Variants in VWF observed in about 807,000 individuals in gnomAD.
VWF encodes the protein von Willebrand factor.
VWF carries 176 observed loss-of-function variants against 308.6 expected under a neutral mutation model. The observed-to-expected ratio is 0.57, with a 90% confidence interval of 0.50 to 0.65. VWF has a LOEUF of 0.65. VWF is among the 30% of genes least tolerant of loss of function. The probability of loss-of-function intolerance (pLI) is 0.00; values close to 1 mark genes in which losing one functional copy is unlikely to be tolerated. For missense variants in VWF, 3,146 were observed against 3,648.2 expected, an observed-to-expected ratio of 0.86 and a Z score of 3.55; for synonymous variants, 1,385 against 1,443.4, an observed-to-expected ratio of 0.96 and a Z score of 0.92.
intron 44 of VWF, among the ~76,000 whole-genome samples, chr12:5,971,101 C>T (rs1027246144): frequency 6.6e-6 from 1 of 152,238 alleles, no homozygotes; most frequent in East Asian, 1.9e-4. Flanking sequence ...TGGCAAGATG[C>T]CCCAGCCAGA....
chr12:5,979,655 C>G (rs2136367656), intron 42 of VWF, among the ~76,000 whole-genome samples: 1 of 151,390 alleles, frequency 6.6e-6, no homozygotes, highest in African/African-American at 2.4e-5. Flanking sequence ...GAGGCTGAGG[C>G]AAGAGAATCG....
At chr12:5,979,898 G>A (rs1250457089) in intron 42 of VWF, among the ~76,000 whole-genome samples, 18 of 150,250 alleles carry the variant, frequency 1.2e-4, no homozygotes, top group Non-Finnish European at 2.4e-4. Context: ...AAAATTAGCC[G>A]GGCGTGGTGG....
chr12:6,025,826 A>G (rs1944184239), intron 23 of VWF, 80 bp downstream of exon 23: 5 of 1,603,970 alleles, frequency 3.1e-6, no homozygotes, highest in South Asian at 1.1e-5. Context: ...CCCCCCTTCC[A>G]GCCCCCATGA....
intron 3 of VWF, among the ~76,000 whole-genome samples, chr12:6,117,728 T>A (rs1945383568): frequency 6.6e-6 from 1 of 151,982 alleles, no homozygotes; most frequent in African/African-American, 2.4e-5. Flanking sequence ...GGCAGGAGAA[T>A]CGCTTGAACC....
rs763488500 is a variant in VWF at position 6,031,560 on chromosome 12, G to C, written c.2704C>G (p.Pro902Ala). 1 of 1,614,048 alleles carries C rather than the reference G, an allele frequency of 6.2e-7. No individual in the cohort carries two copies. The highest frequency in any genetic ancestry group is 1.1e-5 in the South Asian group (1 of 91,082). The part of the protein sequence containing the change: ...VLVQDYCGSN[P>A]GTFRILVGNK... Reference sequence around the variant, plus strand: ...CCCACTAGGATCCGAAAGGTCCCAGGGTTACTGCCGCAGTAATCCTGGGGA... The same window carrying C: ...CCCACTAGGATCCGAAAGGTCCCAGCGTTACTGCCGCAGTAATCCTGGGGA... The change falls in exon 21 of 52, where the codon CCT (proline) becomes GCT (alanine). Residue 902 changes from proline (P) to alanine (A), a missense_variant. Pro to Ala is a conservative substitution (Grantham distance 27). Around this residue, in one of 3 missense-constraint regions of VWF, gnomAD observed 1,304 missense variants for 1,353.0 expected, o/e 0.96. Transcript: ENST00000261405.
chr12:5,996,718 A>C (rs990895589), intron 34 of VWF, among the ~76,000 whole-genome samples: 2 of 150,924 alleles, frequency 1.3e-5, no homozygotes, highest in African/African-American at 4.9e-5. Context: ...TTAATCCCTT[A>C]AGAGATCGCA....
In VWF at chr12:6,114,354, C is replaced by T. The variant is rs1945342096; in HGVS notation, c.221-3386G>A. On this transcript the variant is annotated intron_variant, in intron 3 of 51. Transcript: ENST00000261405. ...AAATCACTTAAGCAAGGTACTCGTTCCACAGGAGGCAGAGCTGAGCGGGTG... is the reference window on the plus strand; with the variant it reads ...AAATCACTTAAGCAAGGTACTCGTTTCACAGGAGGCAGAGCTGAGCGGGTG... 2.0e-5 allele frequency among the ~76,000 whole-genome samples: 3 copies of T among 152,176 alleles called. No individual in the cohort carries two copies. In the South Asian group the frequency reaches 6.2e-4, roughly 31 times the overall value.
intron 32 of VWF, among the ~76,000 whole-genome samples, chr12:6,012,702 TA>T (rs534369797): frequency 2.9e-5 from 4 of 137,314 alleles, no homozygotes; most frequent in African/African-American, 5.8e-5. Context: ...TGTGTGTGTG[TA>T]TTTTTTTTTT....
intron 22 of VWF, among the ~76,000 whole-genome samples, chr12:6,028,980 G>C (rs1010357347): frequency 6.6e-6 from 1 of 152,042 alleles, no homozygotes; most frequent in African/African-American, 2.4e-5. Flanking sequence ...TGGATAAAGA[G>C]TCAAGACCCA....
intron 21 of VWF, among the ~76,000 whole-genome samples, chr12:6,030,069 T>A (rs1591870777): frequency 6.6e-6 from 1 of 152,118 alleles, no homozygotes; most frequent in African/African-American, 2.4e-5. Flanking sequence ...CTTAGCCCAA[T>A]CCCTGCCAGT....
At position 5,958,297 on chromosome 12, in the gene VWF, G is replaced by C. The variant is rs533549799; in HGVS notation, c.7888-4703C>G. Among the ~76,000 whole-genome samples, 3 of 152,324 alleles carry C rather than the reference G, an allele frequency of 2.0e-5. No homozygotes were observed. The South Asian group carries it at 6.2e-4, about 32-fold the overall frequency. ...AAAAGCAAAATTCAATTAGTATGTT[G>C]TTTTCAAGAGACGCACTTTTAATTT... On this transcript the variant is annotated intron_variant, in intron 47 of 51. Transcript: ENST00000261405.
At position 6,019,075 on chromosome 12, in the gene VWF, T is replaced by C; in HGVS notation, c.4343A>G (p.Gln1448Arg). The C allele has an allele frequency of 6.2e-7, 1 of 1,613,856 alleles. No individual in the cohort carries two copies. The highest frequency in any genetic ancestry group is 1.7e-4 in the Middle Eastern group (1 of 6,056). The change falls in exon 28 of 52, where the codon CAG (glutamine) becomes CGG (arginine). Residue 1448 changes from glutamine (Q) to arginine (R), a missense_variant. This residue lies in a region of VWF where 853 missense variants were observed against 1,177.8 expected (regional missense o/e 0.72). Coordinates refer to ENST00000261405, the MANE Select transcript of VWF (RefSeq NM_000552.5). This position sits in a 1 kb window ranked among gnomAD's most constrained non-coding sequence, Gnocchi z 5.8. Reference protein sequence around the residue: ...FVLSSVDELEQQRDEIVSYLC... With the variant: ...FVLSSVDELERQRDEIVSYLC... ...GTAGCTAACGATCTCGTCCCTTTGC[T>C]GCTCCAGCTCATCCACACTGCTCAG...
At chr12:5,991,186 C>CAT (rs1373431019) in intron 38 of VWF, among the ~76,000 whole-genome samples, 1 of 135,080 alleles carries the variant, frequency 7.4e-6, no homozygotes, top group Non-Finnish European at 1.6e-5. Context: ...CACACACACA[C>CAT]ACACACACAC....
At chr12:6,113,324 G>A (rs1359824144) in intron 3 of VWF, among the ~76,000 whole-genome samples, 3 of 148,676 alleles carry the variant, frequency 2.0e-5, no homozygotes, top group Admixed American at 2.0e-4. Flanking sequence ...TTGAGACAGA[G>A]TCTCGCTCTG....
chr12:6,115,752 G>A (rs982493538), intron 3 of VWF, among the ~76,000 whole-genome samples: 12 of 152,168 alleles, frequency 7.9e-5, no homozygotes, highest in Non-Finnish European at 1.2e-4. Flanking sequence ...TGCATGGTGG[G>A]AGAACCAGCA....
At chr12:6,068,249 T>C (rs776810450) in intron 10 of VWF, among the ~76,000 whole-genome samples, 3 of 152,022 alleles carry the variant, frequency 2.0e-5, no homozygotes, top group African/African-American at 2.4e-5. Flanking sequence ...GGAAGCACAT[T>C]ACCTCTTCTA....
At chr12:6,120,917 C>T (rs1945423382) in intron 3 of VWF, among the ~76,000 whole-genome samples, 1 of 152,158 alleles carries the variant, frequency 6.6e-6, no homozygotes, top group Non-Finnish European at 1.5e-5. Context: ...CAGGGCATCG[C>T]CGGGCCCCAG....
chr12:6,002,772 A>G (rs1350241796), intron 34 of VWF, among the ~76,000 whole-genome samples: 1 of 152,208 alleles, frequency 6.6e-6, no homozygotes, highest in Non-Finnish European at 1.5e-5. Flanking sequence ...ATGCTCCATA[A>G]ATTGTTCCAG....
At chr12:6,123,059 G>C (rs890827034) in intron 2 of VWF, 83 bp downstream of exon 2, 5 of 1,556,656 alleles carry the variant, frequency 3.2e-6, no homozygotes, top group South Asian at 2.2e-5. Flanking sequence ...GTGAGCTCCA[G>C]ACACACCTGC....
Sources: allele counts gnomAD v4.1 joint callset (sites outside exome capture counted in the v4.1 genomes callset), GRCh38; gene constraint gnomAD v4.1.1; regional missense constraint gnomAD v4.1.1; non-coding constraint Gnocchi (gnomAD v3.1); transcripts MANE v1.5; gene names NCBI Gene and HGNC (gene_info 2026-07-23, HGNC 2026-07-21).